UBR4: variants seen among roughly 807,000 people sequenced by gnomAD.
The protein encoded by UBR4 is E3 ubiquitin-protein ligase UBR4.
A neutral mutation model predicts 575.6 loss-of-function variants in UBR4; 124 were observed. The observed-to-expected ratio is 0.22, with a 90% CI of 0.19 to 0.25. The LOEUF is 0.25. UBR4 is among the 10% of genes least tolerant of loss of function. The probability of loss-of-function intolerance (pLI) is 1.00; values close to 1 mark genes in which losing one functional copy is unlikely to be tolerated. For missense variants in UBR4, 4,818 were observed against 6,478.8 expected, an observed-to-expected ratio of 0.74 and a Z score of 8.80; for synonymous variants, 2,455 against 2,473.7, an observed-to-expected ratio of 0.99 and a Z score of 0.22.
intron 57 of UBR4, among the ~76,000 whole-genome samples, chr1:19,141,109 G>A (rs2083875332): frequency 6.6e-6 from 1 of 152,232 alleles, no homozygotes; most frequent in South Asian, 2.1e-4. Context: ...CAGGCTGGAG[G>A]AATCTAAGAT....
At position 19,173,231 on chromosome 1, in the gene UBR4, T is replaced by C; in HGVS notation, c.3241A>G (p.Ser1081Gly). 6.2e-7 allele frequency: 1 copy of C among 1,614,232 alleles called. No homozygotes were observed. The highest frequency in any genetic ancestry group is 8.5e-7 in the Non-Finnish European group (1 of 1,180,030). ...LLELASTTKC[S>G]SVKYDVEIVE... The stretch of plus-strand genomic sequence containing the variant: ...ATTTCAACATCATATTTCACTGAGC[T>C]ACACTTAGTGGTGGATGCCAGTTCT... The change falls in exon 24 of 106, where the codon AGC (serine) becomes GGC (glycine). Residue 1081 changes from serine (S) to glycine (G), a missense_variant. By Grantham distance (56) the Ser-to-Gly change is moderately conservative (BLOSUM62 0). Transcript: ENST00000375254.
rs975590808 is a variant in UBR4, at chr1:19,191,740, G to A, written c.1394+448C>T. ...CACCTGGGCTTAGAAAACGAAACCTGAACAGTACATTGGTCATATCTCTTC... is the reference window on the plus strand; with the variant it reads ...CACCTGGGCTTAGAAAACGAAACCTAAACAGTACATTGGTCATATCTCTTC... On this transcript the variant is annotated intron_variant, in intron 11 of 105. Coordinates refer to ENST00000375254, the MANE Select transcript of UBR4 (RefSeq NM_020765.3). Among the ~76,000 whole-genome samples the A allele has an allele frequency of 3.9e-5, 6 of 152,058 alleles. No individual in the cohort carries two copies. In the East Asian group the frequency reaches 1.2e-3, roughly 29 times the overall value.
chr1:19,200,333 G>A (rs1438295885), intron 2 of UBR4, among the ~76,000 whole-genome samples: 4 of 152,048 alleles, frequency 2.6e-5, no homozygotes, highest in African/African-American at 9.7e-5. Context: ...TTTGTGTTGG[G>A]CCAAATTCAA....
At chr1:19,115,867 A>C (rs946768774) in intron 73 of UBR4, among the ~76,000 whole-genome samples, 4 of 152,236 alleles carry the variant, frequency 2.6e-5, no homozygotes. Flanking sequence ...GTTATACATG[A>C]TACCTTTTGA....
At chr1:19,096,083 G>C (rs951101104) in intron 92 of UBR4, among the ~76,000 whole-genome samples, 1 of 152,048 alleles carries the variant, frequency 6.6e-6, no homozygotes, top group African/African-American at 2.4e-5. Flanking sequence ...ATAAACCCTG[G>C]GGGAGTGGGG....
intron 29 of UBR4, among the ~76,000 whole-genome samples, chr1:19,166,752 A>G (rs1278421585): frequency 8.1e-6 from 1 of 123,928 alleles, no homozygotes; most frequent in Admixed American, 8.9e-5. Flanking sequence ...AAAAAAAAAA[A>G]AAAACCAGCT....
At position 19,110,859 on chromosome 1, in the gene UBR4, C is replaced by A; in HGVS notation, c.11802-27G>T. On this transcript the variant is annotated intron_variant, in intron 78 of 105. Transcript: ENST00000375254. This position sits in a 1 kb window ranked among gnomAD's most constrained non-coding sequence, Gnocchi z 4.5. ...TGCAGAAGCAAATAGAAATGGAGTC[C>A]TATAATTCACAATCAGGTGTGACAC... 1 of 1,603,962 alleles carries A rather than the reference C, an allele frequency of 6.2e-7. No homozygotes were observed. The highest frequency in any genetic ancestry group is 8.5e-7 in the Non-Finnish European group (1 of 1,172,636).
chr1:19,094,317 G>A (rs931805302), intron 94 of UBR4, among the ~76,000 whole-genome samples, 178 bp from the exon 95 acceptor site: 1 of 152,152 alleles, frequency 6.6e-6, no homozygotes, highest in Non-Finnish European at 1.5e-5. Context: ...TGAGAAATTC[G>A]TTTCTAAATT....
At chr1:19,136,599 G>C (rs2083223794) in intron 60 of UBR4, among the ~76,000 whole-genome samples, 1 of 152,068 alleles carries the variant, frequency 6.6e-6, no homozygotes. Context: ...GACACACATA[G>C]AACAAATAAG....
At chr1:19,185,333 T>C in intron 14 of UBR4, 47 bp from the exon 15 acceptor site, 2 of 1,497,446 alleles carry the variant, frequency 1.3e-6, no homozygotes, top group Non-Finnish European at 1.8e-6. Context: ...TTTTTAAAAG[T>C]GTTTTTGGTG....
intron 77 of UBR4, 117 bp downstream of exon 77, chr1:19,113,582 G>T: frequency 6.8e-7 from 1 of 1,473,688 alleles, no homozygotes; most frequent in Non-Finnish European, 9.2e-7. Flanking sequence ...CAGCTAGATT[G>T]GGCAGGGACA....
Position 19,100,243 on chromosome 1 carries a change from A to G in UBR4, c.13221+133T>C, listed in dbSNP as rs557180748. 5.1e-5 allele frequency: 46 copies of G among 904,916 alleles called. No individual in the cohort carries two copies. In the South Asian group the frequency reaches 6.7e-4, roughly 13 times the overall value. The allele number at this position is 904,916 out of a possible 1,614,324, so 56.1% of individuals were successfully genotyped here. Reference sequence around the variant, plus strand: ...AGAAAGGTGGGAATCATTAACCCCAACTTACAGAGTGGAGAAACTGAAGGC... The same window carrying G: ...AGAAAGGTGGGAATCATTAACCCCAGCTTACAGAGTGGAGAAACTGAAGGC... On this transcript the variant is annotated intron_variant, in intron 89 of 105. Coordinates refer to ENST00000375254, the MANE Select transcript of UBR4 (RefSeq NM_020765.3). The surrounding 1 kb of genome is among the most constrained non-coding windows in gnomAD (Gnocchi z 4.2).
Position 19,094,143 on chromosome 1 carries a change from C to A in UBR4, c.13747-4G>T. The A allele has an allele frequency of 1.2e-6, 2 of 1,610,640 alleles. No individual in the cohort carries two copies. Among genetic ancestry groups the A allele is most frequent in the Non-Finnish European group, 1.7e-6 (2 of 1,178,472 alleles). On this transcript the variant is annotated splice_polypyrimidine_tract_variant and splice_region_variant and intron_variant, in intron 94 of 105. Coordinates refer to ENST00000375254, the MANE Select transcript of UBR4 (RefSeq NM_020765.3). ...CACCTGTCAGGAGGAGGTTGCCCTG[C>A]AACAGAAAAGAGGGTGAACATGCCA...
At position 19,115,487 on chromosome 1, in the gene UBR4, C is replaced by T; in HGVS notation, c.10974G>A (p.Leu3658=). 6.2e-7 allele frequency: 1 copy of T among 1,614,232 alleles called. No homozygotes were observed. ...YENYQASTET[L]QCPRCSASVP... The stretch of plus-strand genomic sequence containing the variant: ...CCGAGGCACTACAGCGAGGGCACTG[C>T]AGGGTCTCTGTGGAGGCCTGGTAGT... The change falls in exon 74 of 106, where the codon CTG becomes CTA. Residue 3658 remains leucine, a synonymous_variant. Coordinates refer to ENST00000375254, the MANE Select transcript of UBR4 (RefSeq NM_020765.3).
chr1:19,155,734 T>A, intron 42 of UBR4, 66 bp from the exon 43 acceptor site: 1 of 1,396,706 alleles, frequency 7.2e-7, no homozygotes, highest in Admixed American at 1.7e-5. Context: ...AATATCTTAG[T>A]GAATCCAAAT....
In UBR4 at chr1:19,210,168, C is replaced by T. The variant is rs748244064; in HGVS notation, c.81G>A (p.Pro27=). 9 of 1,548,154 alleles carry T rather than the reference C, an allele frequency of 5.8e-6. No individual in the cohort carries two copies. The South Asian group carries it at 7.1e-5, about 12-fold the overall frequency. The part of the protein sequence containing the change: ...GTPATGADTT[P]GWEVAVRPLL... ...GGGGCCGCACAGCCACCTCCCAGCC[C>T]GGGGTCGTGTCCGCCCCCGTTGCCG... The change falls in exon 1 of 106, where the codon CCG becomes CCA. Residue 27 remains proline, a synonymous_variant. Coordinates refer to ENST00000375254, the MANE Select transcript of UBR4 (RefSeq NM_020765.3).
At chr1:19,132,774 G>A (rs1182450882) in intron 60 of UBR4, among the ~76,000 whole-genome samples, 1 of 151,572 alleles carries the variant, frequency 6.6e-6, no homozygotes, top group Non-Finnish European at 1.5e-5. Flanking sequence ...TGTCAGAAAT[G>A]AAAAAAAGCA....
chr1:19,200,184 C>A (rs183350156), intron 2 of UBR4, among the ~76,000 whole-genome samples: 17 of 151,786 alleles, frequency 1.1e-4, no homozygotes, highest in Non-Finnish European at 2.1e-4. Flanking sequence ...AGTGTGCAAT[C>A]TTTTGGCTTC....
intron 44 of UBR4, among the ~76,000 whole-genome samples, chr1:19,154,654 G>C (rs1268098547): frequency 3.9e-5 from 6 of 152,182 alleles, no homozygotes; most frequent in Non-Finnish European, 1.5e-5. Flanking sequence ...ATTAACTATA[G>C]GTTTTCCTTC....
Sources: allele counts gnomAD v4.1 joint callset (sites outside exome capture counted in the v4.1 genomes callset), GRCh38; gene constraint gnomAD v4.1.1; non-coding constraint Gnocchi (gnomAD v3.1); transcripts MANE v1.5; gene names NCBI Gene and HGNC (gene_info 2026-07-23, HGNC 2026-07-21).